Variants in TNIK observed in about 807,000 individuals in gnomAD.
The protein encoded by TNIK is TRAF2 and NCK-interacting protein kinase.
TNIK carries 49 observed loss-of-function variants against 191.3 expected under a neutral mutation model. The observed-to-expected ratio is 0.26, with a 90% CI of 0.20 to 0.32. The LOEUF (loss-of-function observed/expected upper bound fraction) is 0.32. TNIK is among the 10% of genes least tolerant of loss of function. TNIK has a pLI of 1.00. For missense variants in TNIK, 1,155 were observed against 1,702.3 expected, an observed-to-expected ratio of 0.68 and a Z score of 5.66; for synonymous variants, 594 against 600.9, an observed-to-expected ratio of 0.99 and a Z score of 0.17.
At chr3:171,367,364 G>C (rs1202509241) in intron 2 of TNIK, among the ~76,000 whole-genome samples, 1 of 151,846 alleles carries the variant, frequency 6.6e-6, no homozygotes, top group African/African-American at 2.4e-5. Flanking sequence ...CTGCTCATGA[G>C]CAGTGCCACC....
At chr3:171,246,342 C>A (rs1376528178) in intron 2 of TNIK, among the ~76,000 whole-genome samples, 1 of 151,842 alleles carries the variant, frequency 6.6e-6, no homozygotes, top group African/African-American at 2.4e-5. Flanking sequence ...ATTCTAATCA[C>A]CTCAGCAAAA....
chr3:171,101,396 A>G, intron 22 of TNIK, 53 bp downstream of exon 22: 1 of 1,528,096 alleles, frequency 6.5e-7, no homozygotes, highest in African/African-American at 1.4e-5. Context: ...TTGTCCTTTT[A>G]TTTTGGAAAC....
intron 1 of TNIK, among the ~76,000 whole-genome samples, chr3:171,443,986 T>C (rs1436235096): frequency 6.6e-6 from 1 of 152,250 alleles, no homozygotes; most frequent in Non-Finnish European, 1.5e-5. Context: ...ATGATGATTG[T>C]CTAACCATCG....
At chr3:171,100,345 G>C (rs1393072548) in intron 22 of TNIK, among the ~76,000 whole-genome samples, 1 of 152,150 alleles carries the variant, frequency 6.6e-6, no homozygotes, top group Non-Finnish European at 1.5e-5. Context: ...AAAATAACCA[G>C]TATGGATTTT....
intron 2 of TNIK, among the ~76,000 whole-genome samples, chr3:171,254,389 CT>C (rs1266457815): frequency 6.6e-6 from 1 of 152,178 alleles, no homozygotes; most frequent in African/African-American, 2.4e-5. Context: ...TAGGCTTTAC[CT>C]AGAGCAGTGG....
intron 2 of TNIK, among the ~76,000 whole-genome samples, chr3:171,293,223 A>C (rs185804723): frequency 1.3e-5 from 2 of 152,350 alleles, no homozygotes; most frequent in East Asian, 3.9e-4. Flanking sequence ...ATATATCAAG[A>C]ATCAAACTTG....
At chr3:171,181,529 G>C (rs553798478) in intron 7 of TNIK, among the ~76,000 whole-genome samples, 3 of 152,344 alleles carry the variant, frequency 2.0e-5, no homozygotes, top group African/African-American at 7.2e-5. Context: ...GCTAAGGATG[G>C]CAGTTAGGGA....
At chr3:171,168,930 A>T (rs1734948000) in intron 9 of TNIK, among the ~76,000 whole-genome samples, 1 of 152,198 alleles carries the variant, frequency 6.6e-6, no homozygotes, top group Non-Finnish European at 1.5e-5. Context: ...TGCACTTTTG[A>T]GGGACAGAAA....
chr3:171,433,746 T>C (rs986067758), intron 1 of TNIK, among the ~76,000 whole-genome samples: 2 of 152,114 alleles, frequency 1.3e-5, no homozygotes, highest in African/African-American at 2.4e-5. Flanking sequence ...TCCATATTAA[T>C]ATGGGAATAA....
At position 171,128,887 on chromosome 3, in the gene TNIK, C is replaced by CAAAAAAAAAAAAA. The variant is rs59293515; in HGVS notation, c.1609-22_1609-10dup. 5 of 1,245,212 alleles carry CAAAAAAAAAAAAA rather than the reference C, an allele frequency of 4.0e-6. No homozygotes were observed. The highest frequency in any genetic ancestry group is 2.2e-5 in the South Asian group (1 of 46,328). 77.1% of individuals were successfully genotyped at this position (1,245,212 alleles called of 1,614,324 possible). On this transcript the variant is annotated splice_polypyrimidine_tract_variant and intron_variant, in intron 15 of 32. Coordinates refer to ENST00000436636, the MANE Select transcript of TNIK (RefSeq NM_015028.4). ...CTTGACCGTTCTTCTACCTACAACC[C>CAAAAAAAAAAAAA]AAAAAAAAAAAAAAAAAAAAGACAG...
intron 1 of TNIK, among the ~76,000 whole-genome samples, chr3:171,398,369 G>A (rs1491661): frequency 0.014 from 2,201 of 152,230 alleles, 57 homozygotes; most frequent in African/African-American, 0.048. Context: ...TACATGTTAC[G>A]AAATTGTTGG....
At chr3:171,321,012 G>A (rs948460380) in intron 2 of TNIK, among the ~76,000 whole-genome samples, 2 of 152,220 alleles carry the variant, frequency 1.3e-5, no homozygotes, top group South Asian at 4.1e-4. Flanking sequence ...TGGAAGACCA[G>A]TAGCTCAGAG....
chr3:171,122,603 G>A (rs961767614), intron 18 of TNIK, among the ~76,000 whole-genome samples: 5 of 152,168 alleles, frequency 3.3e-5, no homozygotes, highest in African/African-American at 1.2e-4. Context: ...TTCATGTGAA[G>A]AGGAAAATTA....
rs189714932 is a variant in TNIK, at chr3:171,137,938, A to G, written c.1608+253T>C. Among the ~76,000 whole-genome samples, 553 of 149,906 alleles carry G rather than the reference A, an allele frequency of 3.7e-3. 6 individuals are homozygous for G. Among genetic ancestry groups the G allele is most frequent in the African/African-American group, 0.013 (529 of 40,366 alleles). On this transcript the variant is annotated intron_variant, in intron 15 of 32. Transcript: ENST00000436636. Reference sequence around the variant, plus strand: ...TTTTTTCTATCTTCTGTTATTTCCTATAAAAGTCCATTGCAACCACAAAGA... The same window carrying G: ...TTTTTTCTATCTTCTGTTATTTCCTGTAAAAGTCCATTGCAACCACAAAGA...
chr3:171,285,341 T>C (rs924344472), intron 2 of TNIK, among the ~76,000 whole-genome samples: 2 of 152,226 alleles, frequency 1.3e-5, no homozygotes, highest in Non-Finnish European at 2.9e-5. Flanking sequence ...CTGAATTTGT[T>C]ATCAGTGGTA....
rs576185941 is a variant in TNIK, at chr3:171,266,914, T to G, written c.124-38693A>C. On this transcript the variant is annotated intron_variant, in intron 2 of 32. Transcript: ENST00000436636. ...CACTCAGAGTCTGTTCAGAACAGCC[T>G]GGCCAGTGTAAAATCCAAAAACATT... Among the ~76,000 whole-genome samples the G allele has an allele frequency of 3.3e-5, 5 of 152,326 alleles. No homozygotes were observed. The South Asian group carries it at 1.0e-3, about 32-fold the overall frequency.
At chr3:171,123,507 A>G in intron 18 of TNIK, 89 bp downstream of exon 18, 1 of 1,132,116 alleles carries the variant, frequency 8.8e-7, no homozygotes, top group Non-Finnish European at 1.2e-6. Context: ...CTCTGAAGAG[A>G]AAAAAGAACA....
rs1729257366 is a variant in TNIK at position 171,459,871 on chromosome 3, C to T, written c.57+136G>A. The T allele has an allele frequency of 3.6e-6, 4 of 1,106,892 alleles. No individual in the cohort carries two copies. In the South Asian group the frequency reaches 4.3e-5, roughly 12 times the overall value. The allele number at this position is 1,106,892 out of a possible 1,614,324, so 68.6% of individuals were successfully genotyped here. A position where few individuals can be genotyped will look rare whatever the true frequency, so the allele number is the denominator to read the frequency against. ...GCACCTCAGCAACCCCGAATCAAAA[C>T]GGGAATCCAGGTTCCCTCCCCGACG... On this transcript the variant is annotated intron_variant, in intron 1 of 32. Coordinates refer to ENST00000436636, the MANE Select transcript of TNIK (RefSeq NM_015028.4).
chr3:171,111,950 T>C (rs1725915082), intron 18 of TNIK, among the ~76,000 whole-genome samples: 1 of 152,104 alleles, frequency 6.6e-6, no homozygotes, highest in African/African-American at 2.4e-5. Flanking sequence ...TGGTCAAAGG[T>C]TACAGTTTCA....
Sources: gnomAD v4.1 joint callset for allele counts (sites outside exome capture counted in the v4.1 genomes callset) on GRCh38, gnomAD v4.1.1 for gene constraint, MANE v1.5 for transcripts, NCBI Gene and HGNC (gene_info 2026-07-23, HGNC 2026-07-21) for gene names.